The following PRSS38 variants were observed in gnomAD, a reference collection of about 807,000 sequenced individuals.
PRSS38 encodes marapsin 2.
A neutral mutation model predicts 26.8 loss-of-function variants in PRSS38; 22 were observed. The ratio of observed to expected loss-of-function variants is 0.82; its 90% CI spans 0.59 to 1.17. The LOEUF (loss-of-function observed/expected upper bound fraction) is 1.17. Ranked by LOEUF, PRSS38 falls within the 50% of genes most tolerant of loss-of-function variation. The pLI is 0.00. For synonymous variants in PRSS38, 175 were observed against 172.1 expected (o/e 1.02, Z -0.13); for missense variants, 427 against 422.7 (o/e 1.01, Z -0.09).
At chr1:227,828,935 C>T (rs140539856) in intron 3 of PRSS38, among the ~76,000 whole-genome samples, 1 of 152,312 alleles carries the variant, frequency 6.6e-6, no homozygotes, top group East Asian at 1.9e-4. Flanking sequence ...ATCACCTGAT[C>T]TGCTGGTTGC....
rs780076401 is a variant in PRSS38 at position 227,845,484 on chromosome 1, G to T, written c.598G>T (p.Glu200Ter). Residue 200 changes from glutamate (E) to a stop codon, truncating the protein, a stop_gained, in exon 4 of 5, where the codon GAG (glutamate) becomes TAG (stop). Transcript: ENST00000366757. LOFTEE classifies it high-confidence loss of function. The stretch of plus-strand genomic sequence containing the variant: ...TCCTCCCACAGGTGAGACCTCAGAC[G>T]AGCTGCAGGAGATGCAGCTCCCGCT... The T allele has an allele frequency of 1.9e-6, 3 of 1,611,248 alleles. No homozygotes were observed. In the South Asian group the frequency reaches 3.3e-5, roughly 18 times the overall value.
In PRSS38 at chr1:227,816,264, C is replaced by T; in HGVS notation, c.311+12C>T. ...CACTGCTTTCACAGGTAAGCGGGCG[C>T]CGGCCTGGGATGGTGTGGGTAGCTG... On this transcript the variant is annotated intron_variant, in intron 2 of 4. Transcript: ENST00000366757. This position sits in a 1 kb window ranked among gnomAD's most constrained non-coding sequence, Gnocchi z 5.1. 6.2e-7 allele frequency: 1 copy of T among 1,607,026 alleles called. No individual in the cohort carries two copies. The highest frequency in any genetic ancestry group is 8.5e-7 in the Non-Finnish European group (1 of 1,174,828).
chr1:227,821,419 C>T (rs555196972), intron 3 of PRSS38, among the ~76,000 whole-genome samples: 8 of 152,210 alleles, frequency 5.3e-5, no homozygotes, highest in Admixed American at 3.3e-4. Flanking sequence ...CGTGCATTTA[C>T]CTTTACCAAA....
chr1:227,833,265 C>T (rs1314056711), intron 3 of PRSS38, among the ~76,000 whole-genome samples: 2 of 152,166 alleles, frequency 1.3e-5, no homozygotes, highest in Non-Finnish European at 2.9e-5. Context: ...CAGTAGCTCA[C>T]ACCTGTAATC....
chr1:227,835,745 C>T (rs1178528917), intron 3 of PRSS38, among the ~76,000 whole-genome samples: 14 of 152,182 alleles, frequency 9.2e-5, no homozygotes. Flanking sequence ...TAAGAAATAT[C>T]TGGAACAGGC....
At chr1:227,836,221 C>T (rs1293879916) in intron 3 of PRSS38, among the ~76,000 whole-genome samples, 1 of 152,048 alleles carries the variant, frequency 6.6e-6, no homozygotes, top group Non-Finnish European at 1.5e-5. Flanking sequence ...TCCTCAGCCT[C>T]CTGAGTAGCT....
intron 4 of PRSS38, 109 bp downstream of exon 4, chr1:227,845,721 G>C: frequency 7.4e-7 from 1 of 1,359,286 alleles, no homozygotes; most frequent in Non-Finnish European, 1.0e-6. Context: ...CTGCAGCCAT[G>C]CCCCAAGCTG....
intron 3 of PRSS38, among the ~76,000 whole-genome samples, chr1:227,842,974 A>G (rs1485931027): frequency 6.6e-6 from 1 of 152,186 alleles, no homozygotes; most frequent in African/African-American, 2.4e-5. Flanking sequence ...TGCCCTCAGG[A>G]ACAACAGCCC....
intron 3 of PRSS38, among the ~76,000 whole-genome samples, chr1:227,843,208 A>T (rs747453649): frequency 6.6e-6 from 1 of 152,222 alleles, no homozygotes; most frequent in Non-Finnish European, 1.5e-5. Context: ...GCAGGCCGCA[A>T]GACTTGGTTT....
chr1:227,829,008 C>G (rs1279326436), intron 3 of PRSS38, among the ~76,000 whole-genome samples: 3 of 152,196 alleles, frequency 2.0e-5, no homozygotes, highest in Non-Finnish European at 4.4e-5. Flanking sequence ...CACCACTTCC[C>G]TTGACTTGAG....
chr1:227,821,862 TTAA>T (rs1665008405), intron 3 of PRSS38, among the ~76,000 whole-genome samples: 2 of 152,202 alleles, frequency 1.3e-5, no homozygotes, highest in African/African-American at 2.4e-5. Flanking sequence ...ATTTGTAGAT[TTAA>T]ATATTTCAGC....
Position 227,819,303 on chromosome 1 carries a change from T to C in PRSS38, c.583+1823T>C, listed in dbSNP as rs572045435. Reference sequence around the variant, plus strand: ...AGTTTGCTTAACCAAACTTTTCTAATTTTTTGAGCTGAAAATACAAAAGAT... The same window carrying C: ...AGTTTGCTTAACCAAACTTTTCTAACTTTTTGAGCTGAAAATACAAAAGAT... On this transcript the variant is annotated intron_variant, in intron 3 of 4. Transcript: ENST00000366757. Among the ~76,000 whole-genome samples, 183 of 152,352 alleles carry C rather than the reference T, an allele frequency of 1.2e-3. 2 individuals are homozygous for C. Among genetic ancestry groups the C allele is most frequent in the Non-Finnish European group, 1.6e-3 (106 of 68,040 alleles).
At chr1:227,845,886 G>T in intron 4 of PRSS38, 68 bp from the exon 5 acceptor site, 2 of 1,580,764 alleles carry the variant, frequency 1.3e-6, no homozygotes, top group Non-Finnish European at 1.7e-6. Context: ...TTGCACCCTG[G>T]GGGACAGGTG....
At position 227,816,324 on chromosome 1, in the gene PRSS38, A is replaced by AC. The variant is rs774967240; in HGVS notation, c.311+76dup. The AC allele has an allele frequency of 2.6e-5, 38 of 1,456,024 alleles. No individual in the cohort carries two copies. Among genetic ancestry groups the AC allele is most frequent in the Admixed American group, 7.5e-5 (4 of 53,006 alleles). The allele number at this position is 1,456,024 out of a possible 1,614,324, so 90.2% of individuals were successfully genotyped here. ...GGAGTGCCCACAGCGGCTTGGATGG[A>AC]CCCCACGCAAGCCTCCCCCATCACC... On this transcript the variant is annotated intron_variant, in intron 2 of 4. Transcript: ENST00000366757. The surrounding 1 kb of genome is among the most constrained non-coding windows in gnomAD (Gnocchi z 5.1).
chr1:227,844,354 C>T (rs527884716), intron 3 of PRSS38, among the ~76,000 whole-genome samples: 63 of 152,244 alleles, frequency 4.1e-4, no homozygotes, highest in African/African-American at 1.4e-3. Flanking sequence ...GTGAGGTTTC[C>T]TCCCTGTGAG....
At chr1:227,825,478 C>A (rs1427190245) in intron 3 of PRSS38, among the ~76,000 whole-genome samples, 11 of 152,238 alleles carry the variant, frequency 7.2e-5, no homozygotes, top group Admixed American at 5.9e-4. Context: ...GCGTAAGCCA[C>A]CGCGTCTGGC....
chr1:227,831,374 A>G (rs1021122039), intron 3 of PRSS38, among the ~76,000 whole-genome samples: 2 of 152,186 alleles, frequency 1.3e-5, no homozygotes, highest in African/African-American at 4.8e-5. Context: ...TTAGAAAAAA[A>G]TACTTGCTAT....
rs201989204 is a variant in PRSS38 at position 227,815,824 on chromosome 1, A to C, written c.108A>C (p.Arg36Ser). Residue 36 changes from arginine (R) to serine (S), a missense_variant, in exon 1 of 5, where the codon AGA becomes AGC. Arg to Ser is a moderately radical substitution (Grantham distance 110). Transcript: ENST00000366757. ...CCCGGGTCGCAGCATTGGTCCACAGACAGCCAGAGAACCAGGGAATCTCCC... is the reference window on the plus strand; with the variant it reads ...CCCGGGTCGCAGCATTGGTCCACAGCCAGCCAGAGAACCAGGGAATCTCCC... 27 of 1,611,924 alleles carry C rather than the reference A, an allele frequency of 1.7e-5. No individual in the cohort carries two copies. In the East Asian group the frequency reaches 2.5e-4, roughly 15 times the overall value.
chr1:227,823,903 G>A (rs1391009851), intron 3 of PRSS38, among the ~76,000 whole-genome samples: 2 of 152,156 alleles, frequency 1.3e-5, no homozygotes, highest in Non-Finnish European at 2.9e-5. Context: ...TGCAAATAGT[G>A]CTGCAATAAA....
Sources: allele counts gnomAD v4.1 joint callset (sites outside exome capture counted in the v4.1 genomes callset), GRCh38; gene constraint gnomAD v4.1.1; non-coding constraint Gnocchi (gnomAD v3.1); transcripts MANE v1.5; gene names NCBI Gene and HGNC (gene_info 2026-07-23, HGNC 2026-07-21).